The following TET3 variants were observed in gnomAD, a reference collection of about 807,000 sequenced individuals.
The protein encoded by TET3 is tet methylcytosine dioxygenase 3, also known as methylcytosine dioxygenase TET3.
A neutral mutation model predicts 141.4 loss-of-function variants in TET3; 19 were observed. That is an observed-to-expected ratio of 0.13 (90% CI 0.09 to 0.20). The LOEUF (loss-of-function observed/expected upper bound fraction) is 0.20, where lower values mean the gene tolerates loss of function less well. TET3 is among the 10% of genes least tolerant of loss of function. The pLI is 1.00. For missense variants in TET3, 1,874 were observed against 2,356.9 expected (o/e 0.80, Z 4.24); for synonymous variants, 1,043 against 980.9 (o/e 1.06, Z -1.18).
upstream of TET3, among the ~76,000 whole-genome samples, chr2:73,984,797 C>G (rs1048576076): frequency 6.7e-6 from 1 of 148,870 alleles, no homozygotes; most frequent in Non-Finnish European, 1.5e-5. This position sits in a 1 kb window ranked among gnomAD's most constrained non-coding sequence, Gnocchi z 5.6. Flanking sequence ...ACCCCCCTCT[C>G]GCCCGGCCCG....
At chr2:74,096,064 T>A (rs1690805165) in intron 10 of TET3, among the ~76,000 whole-genome samples, 1 of 152,146 alleles carries the variant, frequency 6.6e-6, no homozygotes, top group Non-Finnish European at 1.5e-5. Context: ...CCTATTTATG[T>A]ACTTTACTTA....
intron 4 of TET3, among the ~76,000 whole-genome samples, chr2:74,060,963 C>A (rs1184732743): frequency 4.6e-5 from 7 of 152,204 alleles, no homozygotes; most frequent in Non-Finnish European, 8.8e-5. Flanking sequence ...TTTTCCCCAC[C>A]TTTCCCCCCT....
the TET3 span, among the ~76,000 whole-genome samples, chr2:74,118,883 G>T: frequency 6.6e-6 from 1 of 152,014 alleles, no homozygotes; most frequent in Non-Finnish European, 1.5e-5. Flanking sequence ...ATCTAATATT[G>T]AGTTCATATT....
At chr2:74,084,526 C>T (rs1160248987) in intron 6 of TET3, among the ~76,000 whole-genome samples, 1 of 151,612 alleles carries the variant, frequency 6.6e-6, no homozygotes, top group Admixed American at 6.6e-5. Context: ...GATCTTGGCT[C>T]ACTGCAAGCT....
chr2:74,045,057 T>C (rs1472275263), intron 3 of TET3, among the ~76,000 whole-genome samples: 1 of 152,254 alleles, frequency 6.6e-6, no homozygotes, highest in South Asian at 2.1e-4. Flanking sequence ...ACAGGTACTT[T>C]CTAGAACGCC....
rs373107362 is a variant in TET3, at chr2:74,100,658, A to G, written c.3870A>G (p.Pro1290=). 3 of 1,613,820 alleles carry G rather than the reference A, an allele frequency of 1.9e-6. No individual in the cohort carries two copies. The highest frequency in any genetic ancestry group is 2.7e-5 in the African/African-American group (2 of 74,914). The change falls in exon 12 of 12, where the codon CCA becomes CCG. Residue 1290 remains proline, a synonymous_variant. Coordinates refer to ENST00000409262, the MANE Select transcript of TET3 (RefSeq NM_001287491.2). ...CGTCTTTTAGCTACTATGGCTTTCCATCCAGCAACCCCGTCTTCCCCTCTC... is the reference window on the plus strand; with the variant it reads ...CGTCTTTTAGCTACTATGGCTTTCCGTCCAGCAACCCCGTCTTCCCCTCTC... ...ALPSFSYYGF[P]SSNPVFPSQF...
Position 74,090,021 on chromosome 2 carries a change from C to G in TET3, c.3013C>G (p.Arg1005Gly). Residue 1005 changes from arginine to glycine, a missense_variant, in exon 8 of 12, where the codon CGC (arginine) becomes GGC (glycine). Arg to Gly is a moderately radical substitution (Grantham distance 125). Transcript: ENST00000409262. ...TCGGAGCAAGACACCTCGCAAGTTCCGCCTCGCAGGGGACAATCCCAAAGA... is the reference window on the plus strand; with the variant it reads ...TCGGAGCAAGACACCTCGCAAGTTCGGCCTCGCAGGGGACAATCCCAAAGA... Reference protein sequence around the residue: ...YARSKTPRKFRLAGDNPKEEE... With the variant: ...YARSKTPRKFGLAGDNPKEEE... The G allele has an allele frequency of 6.2e-7, 1 of 1,614,036 alleles. No individual in the cohort carries two copies. Among genetic ancestry groups the G allele is most frequent in the Non-Finnish European group, 8.5e-7 (1 of 1,179,896 alleles).
chr2:73,995,202 C>T (rs971108864), intron 2 of TET3, among the ~76,000 whole-genome samples: 2 of 152,220 alleles, frequency 1.3e-5, no homozygotes, highest in Admixed American at 6.5e-5. Context: ...TCAGGCGATC[C>T]GCCTACCTTG....
At position 74,105,488 on chromosome 2, in the gene TET3, T is replaced by C. The variant is rs114880501; in HGVS notation, c.*3312T>C. On this transcript the variant is annotated 3_prime_UTR_variant, in exon 12 of 12. Coordinates refer to ENST00000409262, the MANE Select transcript of TET3 (RefSeq NM_001287491.2). The stretch of plus-strand genomic sequence containing the variant: ...ATCTTGACTAAAGGTGTTGCATGGA[T>C]TTGGGGGTCTTTCGGTTTTTGGTTT... 1.5e-3 allele frequency: 599 copies of C among 397,948 alleles called. 2 individuals carry two copies. Among genetic ancestry groups the C allele is most frequent in the African/African-American group, 0.011 (523 of 48,698 alleles). 24.7% of individuals were successfully genotyped at this position (397,948 alleles called of 1,614,324 possible).
Position 74,080,606 on chromosome 2 carries a change from C to T in TET3, c.2679+15C>T. The T allele has an allele frequency of 6.2e-7, 1 of 1,603,086 alleles. No homozygotes were observed. The highest frequency in any genetic ancestry group is 8.5e-7 in the Non-Finnish European group (1 of 1,175,102). On this transcript the variant is annotated intron_variant, in intron 6 of 11. Transcript: ENST00000409262. ...TTGCAAAGTGGGTGAGTGTTGAGCCCACTCAAGAGCCACAGCTGTGCCTGG... is the reference window on the plus strand; with the variant it reads ...TTGCAAAGTGGGTGAGTGTTGAGCCTACTCAAGAGCCACAGCTGTGCCTGG...
At chr2:74,126,547 G>A in the TET3 span, among the ~76,000 whole-genome samples, 43 of 136,522 alleles carry the variant, frequency 3.1e-4, 1 homozygote, top group Non-Finnish European at 6.2e-4. Context: ...CTGTCACCCA[G>A]GCTGGAGTGC....
At chr2:74,031,178 G>A (rs1470911446) in intron 3 of TET3, among the ~76,000 whole-genome samples, 2 of 152,078 alleles carry the variant, frequency 1.3e-5, no homozygotes, top group East Asian at 1.9e-4. Context: ...AGCATGGGGC[G>A]ATGGAGAGCA....
chr2:74,129,404 A>AGGCAGATCACCTGAGGTC, the TET3 span, among the ~76,000 whole-genome samples: 14 of 148,330 alleles, frequency 9.4e-5, no homozygotes, highest in Admixed American at 3.4e-4. Context: ...AGGCTGAGGC[A>AGGCAGATCACCTGAGGTC]GGCAGATCAC....
intron 4 of TET3, among the ~76,000 whole-genome samples, chr2:74,067,448 T>C (rs1356534077): frequency 6.6e-6 from 1 of 152,210 alleles, no homozygotes; most frequent in Non-Finnish European, 1.5e-5. Flanking sequence ...TTGTGTATTT[T>C]ACACATAGAG....
At chr2:74,080,340 A>G (rs1689739746) in intron 5 of TET3, among the ~76,000 whole-genome samples, 158 bp from the exon 6 acceptor site, 1 of 152,210 alleles carries the variant, frequency 6.6e-6, no homozygotes, top group African/African-American at 2.4e-5. Context: ...CAGAGCCTTT[A>G]GGTACCAAAT....
chr2:74,131,792 C>T, the TET3 span, among the ~76,000 whole-genome samples: 2 of 152,058 alleles, frequency 1.3e-5, no homozygotes, highest in African/African-American at 4.8e-5. Flanking sequence ...TGGCTACATC[C>T]GATGCAATGC....
At chr2:73,993,974 C>T (rs1684456015) in intron 2 of TET3, among the ~76,000 whole-genome samples, 2 of 151,946 alleles carry the variant, frequency 1.3e-5, no homozygotes, top group South Asian at 4.2e-4. Context: ...GTAGGCGAGT[C>T]AGATCTGTGG....
intron 10 of TET3, among the ~76,000 whole-genome samples, chr2:74,094,915 AG>A (rs1385892222): frequency 6.6e-6 from 1 of 152,172 alleles, no homozygotes; most frequent in Non-Finnish European, 1.5e-5. Flanking sequence ...TGGAGTAGGC[AG>A]GGGGCAAGGA....
At chr2:74,032,508 T>TGTGTGTGTGTG (rs1491152838) in intron 3 of TET3, among the ~76,000 whole-genome samples, 2 of 43,908 alleles carry the variant, frequency 4.6e-5, no homozygotes, top group Admixed American at 2.1e-4. Context: ...TGTGTGTGTG[T>TGTGTGTGTGTG]TAGGGGAGTT....
Sources: allele counts gnomAD v4.1 joint callset (sites outside exome capture counted in the v4.1 genomes callset), GRCh38; gene constraint gnomAD v4.1.1; non-coding constraint Gnocchi (gnomAD v3.1); transcripts MANE v1.5; gene names NCBI Gene and HGNC (gene_info 2026-07-23, HGNC 2026-07-21).